ASB10: variants seen among roughly 807,000 people sequenced by gnomAD.
The protein encoded by ASB10 is ankyrin repeat and SOCS box protein 10.
A neutral mutation model predicts 35.4 loss-of-function variants in ASB10; 44 were observed. That is an observed-to-expected ratio of 1.24 (90% confidence interval 0.98 to 1.60). The LOEUF (loss-of-function observed/expected upper bound fraction) is 1.60, where lower values mean the gene tolerates loss of function less well. Ranked by LOEUF, ASB10 falls within the 40% of genes most tolerant of loss-of-function variation. The pLI, the probability that ASB10 is intolerant of heterozygous loss-of-function variation, is 0.00. For synonymous variants in ASB10, 294 were observed against 280.4 expected (o/e 1.05, Z -0.49); for missense variants, 647 against 634.3 (o/e 1.02, Z -0.22).
At position 151,186,971 on chromosome 7, in the gene ASB10, G is replaced by T. The variant is rs898114820; in HGVS notation, c.160C>A (p.Pro54Thr). Residue 54 changes from proline (P) to threonine (T), a missense_variant, in exon 1 of 6, where the codon CCT becomes ACT. Pro to Thr is a conservative substitution (Grantham distance 38, BLOSUM62 -1). Transcript: ENST00000420175. ...GPIVTRTASGPALAFWQAVLA... is the reference protein window; with the variant it reads ...GPIVTRTASGTALAFWQAVLA... ...ACTGCCTGCCAGAAGGCAAGGGCAG[G>T]TCCTGAGGCTGTGCGGGTGACGATG... 1 of 1,613,692 alleles carries T rather than the reference G, an allele frequency of 6.2e-7. No homozygotes were observed. Among genetic ancestry groups the T allele is most frequent in the Non-Finnish European group, 8.5e-7 (1 of 1,179,822 alleles).
chr7:151,178,804 C>T (rs909908353), intron 3 of ASB10, among the ~76,000 whole-genome samples: 2 of 152,142 alleles, frequency 1.3e-5, no homozygotes, highest in African/African-American at 2.4e-5. Flanking sequence ...CAGTCTGTCC[C>T]GGGAGGCCTC....
In ASB10 at chr7:151,187,213, G is replaced by A; in HGVS notation, c.-83C>T. On this transcript the variant is annotated 5_prime_UTR_variant, in exon 1 of 6. Transcript: ENST00000420175. This position sits in a 1 kb window ranked among gnomAD's most constrained non-coding sequence, Gnocchi z 5.3. ...AGAGAGAGAGCAGGAGGGAAATACA[G>A]ACAGACAGAAGGCCCCTGTGTCCCA... The A allele has an allele frequency of 6.5e-7, 1 of 1,542,456 alleles. No homozygotes were observed. Among genetic ancestry groups the A allele is most frequent in the African/African-American group, 1.4e-5 (1 of 73,094 alleles).
intron 3 of ASB10, among the ~76,000 whole-genome samples, chr7:151,178,930 C>T (rs1801437656): frequency 6.6e-6 from 1 of 152,192 alleles, no homozygotes; most frequent in Admixed American, 6.5e-5. Flanking sequence ...ATCCCCACCT[C>T]TGCACTGGGC....
rs1489747840 is a variant in ASB10 at position 151,187,067 on chromosome 7, G to T, written c.64C>A (p.Pro22Thr). Residue 22 changes from proline to threonine, a missense_variant, in exon 1 of 6, where the codon CCC becomes ACC. Pro to Thr is a conservative substitution (Grantham distance 38). Coordinates refer to ENST00000420175, the MANE Select transcript of ASB10 (RefSeq NM_001142459.2). The surrounding 1 kb of genome is among the most constrained non-coding windows in gnomAD (Gnocchi z 5.3). The part of the protein sequence containing the change: ...GQGEPLDDRH[P>T]LCARLVEKPS... ...TTCTCCACCAGCCTGGCACAGAGGGGGTGTCTGTCATCGAGGGGCTCTCCC... is the reference window on the plus strand; with the variant it reads ...TTCTCCACCAGCCTGGCACAGAGGGTGTGTCTGTCATCGAGGGGCTCTCCC... 2.5e-6 allele frequency: 4 copies of T among 1,609,224 alleles called. No homozygotes were observed. Among genetic ancestry groups the T allele is most frequent in the African/African-American group, 2.7e-5 (2 of 74,878 alleles).
rs750268152 is a variant in ASB10, at chr7:151,178,909, G to A, written c.1104+2030C>T. ...CCTCAGGCCCGTCTCTGTCCTTCCTGGCCCATGTTGATCCCCACCTCTGCA... is the reference window on the plus strand; with the variant it reads ...CCTCAGGCCCGTCTCTGTCCTTCCTAGCCCATGTTGATCCCCACCTCTGCA... On this transcript the variant is annotated intron_variant, in intron 3 of 5. Coordinates refer to ENST00000420175, the MANE Select transcript of ASB10 (RefSeq NM_001142459.2). 8.5e-5 allele frequency among the ~76,000 whole-genome samples: 13 copies of A among 152,058 alleles called. 1 individual carries two copies. Among genetic ancestry groups the A allele is most frequent in the African/African-American group, 1.4e-4 (6 of 41,398 alleles).
chr7:151,184,694 A>C (rs987922252), intron 2 of ASB10, among the ~76,000 whole-genome samples: 15 of 151,994 alleles, frequency 9.9e-5, no homozygotes, highest in Non-Finnish European at 1.9e-4. Context: ...CAACAACATG[A>C]ATGTGCTTAA....
At chr7:151,176,024 G>C in intron 5 of ASB10, 58 bp from the exon 6 acceptor site, 1 of 1,480,748 alleles carries the variant, frequency 6.8e-7, no homozygotes, top group Non-Finnish European at 9.1e-7. Context: ...GGCCGGTTCT[G>C]GCTAGGGCCC....
intron 2 of ASB10, among the ~76,000 whole-genome samples, chr7:151,183,475 T>G (rs1180347072): frequency 6.6e-6 from 1 of 152,202 alleles, no homozygotes; most frequent in Non-Finnish European, 1.5e-5. Flanking sequence ...TGGCGTGATC[T>G]CCACTCACTG....
chr7:151,182,899 A>C (rs1374386971), intron 2 of ASB10, among the ~76,000 whole-genome samples: 1 of 152,142 alleles, frequency 6.6e-6, no homozygotes, highest in Non-Finnish European at 1.5e-5. Context: ...ATCCTGTCTG[A>C]CTTTCTATAT....
Position 151,183,966 on chromosome 7 carries a change from C to A in ASB10, c.584+2426G>T, listed in dbSNP as rs186076947. ...AATAAAATATAATTAATTTAACCTG[C>A]TTCAAAGATATTTGTACCCACATGT... On this transcript the variant is annotated intron_variant, in intron 2 of 5. Transcript: ENST00000420175. Among the ~76,000 whole-genome samples the A allele has an allele frequency of 2.6e-3, 403 of 152,266 alleles. 4 individuals are homozygous for A. Among genetic ancestry groups the A allele is most frequent in the African/African-American group, 9.0e-3 (372 of 41,534 alleles).
intron 2 of ASB10, among the ~76,000 whole-genome samples, chr7:151,185,681 G>GA (rs1801576275): frequency 6.6e-6 from 1 of 152,188 alleles, no homozygotes; most frequent in Non-Finnish European, 1.5e-5. Flanking sequence ...GGCCTCTATA[G>GA]GATGTAGAGT....
chr7:151,186,251 G>C (rs1801586392), intron 2 of ASB10, 141 bp downstream of exon 2: 7 of 1,062,432 alleles, frequency 6.6e-6, no homozygotes, highest in Non-Finnish European at 8.0e-6. Flanking sequence ...GGATGGCTTG[G>C]GAAGTAATTG....
rs142170517 is a variant in ASB10 at position 151,187,080 on chromosome 7, G to A, written c.51C>T (p.Leu17=). 2.3e-5 allele frequency: 37 copies of A among 1,605,960 alleles called. No individual in the cohort carries two copies. Among genetic ancestry groups the A allele is most frequent in the African/African-American group, 1.3e-4 (10 of 74,954 alleles). ...TGGCACAGAGGGGGTGTCTGTCATCGAGGGGCTCTCCCTGCCCCTTGCACT... is the reference window on the plus strand; with the variant it reads ...TGGCACAGAGGGGGTGTCTGTCATCAAGGGGCTCTCCCTGCCCCTTGCACT... The part of the protein sequence containing the change: ...PEECKGQGEP[L]DDRHPLCARL... The change falls in exon 1 of 6, where the codon CTC becomes CTT. Residue 17 remains leucine (L), a synonymous_variant. Transcript: ENST00000420175. The surrounding 1 kb of genome is among the most constrained non-coding windows in gnomAD (Gnocchi z 5.3).
rs747978807 is a variant in ASB10, at chr7:151,181,256, T to C, written c.787A>G (p.Ile263Val). 2 of 1,613,124 alleles carry C rather than the reference T, an allele frequency of 1.2e-6. No homozygotes were observed. The highest frequency in any genetic ancestry group is 1.7e-6 in the Non-Finnish European group (2 of 1,179,972). ...GCGGTGGTGGCCTCGGCATCGGTGA[T>C]GGACTGGCAGCGGACGTCACAGGCA... is the stretch of plus-strand genomic sequence containing the variant. ...LAACDVRCQS[I>V]TDAEATTARC... is the part of the protein sequence containing the mutation. The change falls in exon 3 of 6, where the codon ATC (isoleucine) becomes GTC (valine). Residue 263 changes from isoleucine (I) to valine (V), a missense_variant. Transcript: ENST00000420175.
intron 3 of ASB10, among the ~76,000 whole-genome samples, chr7:151,180,594 ACTT>A (rs879395434): frequency 3.9e-4 from 59 of 152,138 alleles, no homozygotes; most frequent in African/African-American, 1.2e-3. Flanking sequence ...ATCAGCCCTG[ACTT>A]CTTCTGTCTT....
chr7:151,181,241 C>T lies in ASB10; in HGVS notation c.802G>A (p.Ala268Thr). Residue 268 changes from alanine to threonine, a missense_variant, in exon 3 of 6, where the codon GCC becomes ACC. Coordinates refer to ENST00000420175, the MANE Select transcript of ASB10 (RefSeq NM_001142459.2). ...VRCQSITDAE[A>T]TTARCLQLCS... ...AGCTGCAGGCAGCGGGCGGTGGTGG[C>T]CTCGGCATCGGTGATGGACTGGCAG... 1 of 1,613,088 alleles carries T rather than the reference C, an allele frequency of 6.2e-7. No homozygotes were observed. The highest frequency in any genetic ancestry group is 1.3e-5 in the African/African-American group (1 of 75,054).
Position 151,187,122 on chromosome 7 carries a change from C to T in ASB10, c.9G>A (p.Met3Ile), listed in dbSNP as rs1483927762. The change falls in exon 1 of 6, where the codon ATG (methionine) becomes ATA (isoleucine). Residue 3 changes from methionine to isoleucine, a missense_variant. By Grantham distance (10) the Met-to-Ile change is conservative. Transcript: ENST00000420175. This position sits in a 1 kb window ranked among gnomAD's most constrained non-coding sequence, Gnocchi z 5.3. ...CCTTGCACTCTTCTGGAGACCAACT[C>T]ATGAGCATGTGGGCAGGGAAAGGGG... is the stretch of plus-strand genomic sequence containing the variant. ML[M>I]SWSPEECKGQ... The T allele has an allele frequency of 1.0e-5, 16 of 1,587,198 alleles. No homozygotes were observed. Among genetic ancestry groups the T allele is most frequent in the Non-Finnish European group, 1.3e-5 (15 of 1,166,756 alleles).
intron 3 of ASB10, among the ~76,000 whole-genome samples, 173 bp from the exon 4 acceptor site, chr7:151,176,849 C>A (rs1015051053): frequency 6.6e-6 from 1 of 152,192 alleles, no homozygotes; most frequent in African/African-American, 2.4e-5. Context: ...AAATGTTAAT[C>A]AGGTTAAAAT....
At position 151,175,830 on chromosome 7, in the gene ASB10, G is replaced by T; in HGVS notation, c.*137C>A. On this transcript the variant is annotated 3_prime_UTR_variant, in exon 6 of 6. Coordinates refer to ENST00000420175, the MANE Select transcript of ASB10 (RefSeq NM_001142459.2). The stretch of plus-strand genomic sequence containing the variant: ...CGCTGTCGGTCCGCTTCTCTGCATT[G>T]GGAATTGCAGCATCCACACCTGCCT... 2.2e-6 allele frequency: 1 copy of T among 456,638 alleles called. No homozygotes were observed. The highest frequency in any genetic ancestry group is 3.9e-6 in the Non-Finnish European group (1 of 258,556). The allele number at this position is 456,638 out of a possible 1,614,324, so 28.3% of individuals were successfully genotyped here.
Sources: allele counts gnomAD v4.1 joint callset (sites outside exome capture counted in the v4.1 genomes callset), GRCh38; gene constraint gnomAD v4.1.1; non-coding constraint Gnocchi (gnomAD v3.1); transcripts MANE v1.5; gene names NCBI Gene and HGNC (gene_info 2026-07-23, HGNC 2026-07-21).